PLCL1: variants seen among roughly 807,000 people sequenced by gnomAD.
PLCL1 encodes phospholipase C like 1 (inactive), also known as inactive phospholipase C-like protein 1.
A neutral mutation model predicts 84.4 loss-of-function variants in PLCL1; 41 were observed. That is an observed-to-expected ratio of 0.49 (90% CI 0.38 to 0.63). The LOEUF is 0.63. Among genes scored for constraint, PLCL1 ranks in the 30% least tolerant of loss-of-function variants. The pLI is 0.00. For synonymous variants in PLCL1, 490 were observed against 488.3 expected (o/e 1.00, Z -0.05); for missense variants, 1,206 against 1,367.8 (o/e 0.88, Z 1.87).
intron 1 of PLCL1, among the ~76,000 whole-genome samples, chr2:197,874,984 C>G (rs892380191): frequency 6.6e-6 from 1 of 152,010 alleles, no homozygotes; most frequent in African/African-American, 2.4e-5. Flanking sequence ...AAACCAGATG[C>G]AAAATAATAC....
At chr2:198,069,388 C>G (rs547941857) in intron 1 of PLCL1, among the ~76,000 whole-genome samples, 2 of 152,234 alleles carry the variant, frequency 1.3e-5, no homozygotes, top group South Asian at 4.1e-4. Flanking sequence ...ACTTGGGAGG[C>G]TGAGGCGAGA....
intron 1 of PLCL1, among the ~76,000 whole-genome samples, chr2:197,959,024 A>G (rs1689552524): frequency 6.6e-6 from 1 of 152,056 alleles, no homozygotes. Flanking sequence ...TTACTGTTCT[A>G]GTACAGTATA....
chr2:197,821,897 G>A (rs1285775614), intron 1 of PLCL1, among the ~76,000 whole-genome samples: 1 of 152,158 alleles, frequency 6.6e-6, no homozygotes, highest in Non-Finnish European at 1.5e-5. Flanking sequence ...AGGGACCAAA[G>A]TGTTTTGTAA....
At chr2:198,099,982 A>G (rs1473928840) in intron 3 of PLCL1, among the ~76,000 whole-genome samples, 1 of 152,176 alleles carries the variant, frequency 6.6e-6, no homozygotes, top group African/African-American at 2.4e-5. Flanking sequence ...AAAATTACAG[A>G]AAAATGAGGA....
chr2:197,893,799 G>A (rs1185013794), intron 1 of PLCL1, among the ~76,000 whole-genome samples: 1 of 151,968 alleles, frequency 6.6e-6, no homozygotes, highest in Non-Finnish European at 1.5e-5. Flanking sequence ...CAGAAGGCTT[G>A]ACTTAGAGTG....
chr2:198,059,852 C>T (rs1478399720), intron 1 of PLCL1, among the ~76,000 whole-genome samples: 6 of 152,108 alleles, frequency 3.9e-5, no homozygotes, highest in Admixed American at 1.3e-4. Context: ...GCAGGAATTC[C>T]GTCGATGCAC....
At chr2:198,046,702 G>A (rs67748055) in intron 1 of PLCL1, among the ~76,000 whole-genome samples, 69,010 of 151,842 alleles carry the variant, frequency 0.45, 16,239 homozygotes, top group Middle Eastern at 0.65. Flanking sequence ...AGCCCGGTAT[G>A]GTGGTGTGTG....
intron 5 of PLCL1, among the ~76,000 whole-genome samples, chr2:198,129,528 C>A (rs1388336853): frequency 1.9e-4 from 29 of 152,258 alleles, no homozygotes. Flanking sequence ...CTTATGTCCT[C>A]CTAAAATTTA....
chr2:198,027,393 T>G (rs1691295532), intron 1 of PLCL1, among the ~76,000 whole-genome samples: 1 of 152,072 alleles, frequency 6.6e-6, no homozygotes, highest in South Asian at 2.1e-4. Context: ...GGGCACAAAA[T>G]TTAGTTAGGA....
rs61183744 is a variant in PLCL1 at position 197,886,411 on chromosome 2, C to CAAAAAAAAAA, written c.240+81104_240+81113dup. Among the ~76,000 whole-genome samples, 105 of 77,070 alleles carry CAAAAAAAAAA rather than the reference C, an allele frequency of 1.4e-3. 9 individuals carry two copies. The highest frequency in any genetic ancestry group is 2.2e-3 in the East Asian group (3 of 1,352). The allele number at this position is 77,070 out of a possible 152,430, so 50.6% of individuals were successfully genotyped here. ...TGGGCAACAGAATGAGACTCTGTCT[C>CAAAAAAAAAA]AAAAAAAAAAAAAAAAAAAAAAAAA... On this transcript the variant is annotated intron_variant, in intron 1 of 5. Transcript: ENST00000428675.
chr2:198,033,796 C>G (rs114065497), intron 1 of PLCL1, among the ~76,000 whole-genome samples: 1,693 of 152,180 alleles, frequency 0.011, 27 homozygotes, highest in African/African-American at 0.038. Context: ...TCTCTACCCC[C>G]TCAAGCTGGC....
intron 1 of PLCL1, among the ~76,000 whole-genome samples, chr2:197,902,294 C>G (rs1688283434): frequency 6.6e-6 from 1 of 152,108 alleles, no homozygotes; most frequent in African/African-American, 2.4e-5. Context: ...CAACCAATGT[C>G]TTAGTTTTAG....
chr2:197,926,928 A>G (rs1444441223), intron 1 of PLCL1, among the ~76,000 whole-genome samples: 1 of 152,124 alleles, frequency 6.6e-6, no homozygotes, highest in Non-Finnish European at 1.5e-5. Context: ...TGGTTGTCTT[A>G]TTTGGCTGGG....
intron 1 of PLCL1, among the ~76,000 whole-genome samples, chr2:198,070,375 C>A (rs2105884510): frequency 6.6e-6 from 1 of 152,032 alleles, no homozygotes; most frequent in African/African-American, 2.4e-5. Flanking sequence ...ACTCTCAAAC[C>A]TTAGAGGTAG....
intron 1 of PLCL1, among the ~76,000 whole-genome samples, chr2:197,866,902 T>C (rs1687560222): frequency 2.0e-5 from 3 of 152,178 alleles, no homozygotes; most frequent in Non-Finnish European, 4.4e-5. Flanking sequence ...ATTAACCCCA[T>C]GGCGATCATC....
At chr2:197,830,119 A>G (rs993530096) in intron 1 of PLCL1, among the ~76,000 whole-genome samples, 10 of 152,082 alleles carry the variant, frequency 6.6e-5, no homozygotes, top group Non-Finnish European at 1.0e-4. Flanking sequence ...TTCTCCTCCA[A>G]AGGATCACAA....
At chr2:197,866,140 AACTATATATATAT>A in intron 1 of PLCL1, among the ~76,000 whole-genome samples, 1 of 29,832 alleles carries the variant, frequency 3.4e-5, no homozygotes, top group Admixed American at 3.3e-4. Context: ...TATATATATA[AACTATATATATAT>A]ATAAACTATA....
chr2:197,855,472 T>G (rs1254952829), intron 1 of PLCL1, among the ~76,000 whole-genome samples: 2 of 152,220 alleles, frequency 1.3e-5, no homozygotes, highest in Admixed American at 6.5e-5. Flanking sequence ...AGCCTTTTTC[T>G]TGTTCCTTGT....
chr2:198,065,957 T>G (rs185381260), intron 1 of PLCL1, among the ~76,000 whole-genome samples: 1 of 152,190 alleles, frequency 6.6e-6, no homozygotes, highest in African/African-American at 2.4e-5. Flanking sequence ...TTTTATTATA[T>G]AATATTAGTA....
Sources: gnomAD v4.1 joint callset for allele counts (sites outside exome capture counted in the v4.1 genomes callset) on GRCh38, gnomAD v4.1.1 for gene constraint, MANE v1.5 for transcripts, NCBI Gene and HGNC (gene_info 2026-07-23, HGNC 2026-07-21) for gene names.